The following CDHR2 variants were observed in gnomAD, a reference collection of about 807,000 sequenced individuals.
CDHR2 encodes cadherin related family member 2.
In CDHR2, 104 loss-of-function variants were observed where a neutral mutation model predicts 138.6. That is an observed-to-expected ratio of 0.75 (90% confidence interval 0.64 to 0.88). The LOEUF is 0.88. CDHR2 is among the 40% of genes least tolerant of loss of function. The probability of loss-of-function intolerance (pLI) is 0.00; values close to 1 mark genes in which losing one functional copy is unlikely to be tolerated. For synonymous variants in CDHR2, 755 were observed against 742.8 expected (o/e 1.02, Z -0.27); for missense variants, 1,624 against 1,727.6 (o/e 0.94, Z 1.06).
chr5:176,593,705 A>G (rs1019910708), intron 31 of CDHR2, among the ~76,000 whole-genome samples: 4 of 152,202 alleles, frequency 2.6e-5, no homozygotes, highest in Admixed American at 1.3e-4. Flanking sequence ...CCAGGCCACT[A>G]GGGGCTCCCA....
rs1260882272 is a variant in CDHR2 at position 176,543,339 on chromosome 5, TGCGGCCCGCGCGCCGCCTGCC to T, written c.-16+578_-16+598del. Among the ~76,000 whole-genome samples, 12 of 147,856 alleles carry T rather than the reference TGCGGCCCGCGCGCCGCCTGCC, an allele frequency of 8.1e-5. No homozygotes were observed. The highest frequency in any genetic ancestry group is 2.2e-4 in the African/African-American group (9 of 41,018). On this transcript the variant is annotated intron_variant, in intron 1 of 31. Transcript: ENST00000510636. The surrounding 1 kb of genome is among the most constrained non-coding windows in gnomAD (Gnocchi z 4.0). ...CTGCAGCCCAGGCTCGCGGTGCGGC[TGCGGCCCGCGCGCCGCCTGCC>T]GCGGCCCCTCTCCGGCCCGGTGCAG...
chr5:176,595,155 A>T (rs1185945008), intron 31 of CDHR2, among the ~76,000 whole-genome samples: 1 of 152,110 alleles, frequency 6.6e-6, no homozygotes, highest in Non-Finnish European at 1.5e-5. Context: ...GAGGTAATGG[A>T]TGGACCTCAA....
At position 176,571,323 on chromosome 5, in the gene CDHR2, G is replaced by A. The variant is rs374760058; in HGVS notation, c.405+21G>A. 4 of 1,575,150 alleles carry A rather than the reference G, an allele frequency of 2.5e-6. No homozygotes were observed. In the African/African-American group the frequency reaches 5.5e-5, roughly 22 times the overall value. On this transcript the variant is annotated intron_variant, in intron 6 of 31. Transcript: ENST00000261944. ...ACGAGGTGACACCTGCCTTAATGTG[G>A]TTGTGGGGCAGGGGGCATCCCAAAG...
upstream of CDHR2, among the ~76,000 whole-genome samples, chr5:176,547,252 C>T (rs1173443952): frequency 6.6e-6 from 1 of 152,174 alleles, no homozygotes; most frequent in African/African-American, 2.4e-5. Flanking sequence ...GCTGGGATTA[C>T]AGGCGCGAGC....
chr5:176,595,882 CTG>C, downstream of CDHR2: 1 of 459,908 alleles, frequency 2.2e-6, no homozygotes, highest in Non-Finnish European at 3.8e-6. Context: ...GGACGGGACA[CTG>C]AGTGGTCACA....
chr5:176,565,816 G>GC (rs1234413509), intron 3 of CDHR2, 73 bp downstream of exon 3: 13 of 1,144,772 alleles, frequency 1.1e-5, no homozygotes, highest in Non-Finnish European at 1.0e-5. Flanking sequence ...GCCCTCTGGA[G>GC]CCCCCACCAT....
chr5:176,586,790 C>T lies in CDHR2; in HGVS notation c.2807-3C>T, dbSNP rs758575877. On this transcript the variant is annotated splice_polypyrimidine_tract_variant and splice_region_variant and intron_variant, in intron 20 of 31. Transcript: ENST00000261944. The stretch of plus-strand genomic sequence containing the variant: ...CTGACCCCGTTCCCGTTCACACCTG[C>T]AGTGATCATCCCTGAACTCGTGCTG... 6.8e-6 allele frequency: 11 copies of T among 1,606,988 alleles called. No homozygotes were observed. Among genetic ancestry groups the T allele is most frequent in the Non-Finnish European group, 9.3e-6 (11 of 1,176,702 alleles).
chr5:176,563,287 G>A (rs1758007859), intron 1 of CDHR2, among the ~76,000 whole-genome samples: 1 of 152,138 alleles, frequency 6.6e-6, no homozygotes, highest in Non-Finnish European at 1.5e-5. Context: ...GGCAGAGGTT[G>A]CAGTGAGCCG....
intron 16 of CDHR2, 34 bp downstream of exon 16, chr5:176,578,642 G>C (rs777878075): frequency 4.4e-6 from 7 of 1,602,120 alleles, no homozygotes; most frequent in Non-Finnish European, 5.9e-6. Flanking sequence ...GGGTAAGGCT[G>C]GGGGAGGGGA....
intron 31 of CDHR2, among the ~76,000 whole-genome samples, chr5:176,594,670 C>A (rs1422291821): frequency 6.6e-6 from 1 of 152,196 alleles, no homozygotes; most frequent in South Asian, 2.1e-4. Flanking sequence ...AATGCTTAGC[C>A]CCTCTGGGGC....
At chr5:176,593,790 T>C (rs1212216795) in intron 31 of CDHR2, among the ~76,000 whole-genome samples, 1 of 152,198 alleles carries the variant, frequency 6.6e-6, no homozygotes, top group African/African-American at 2.4e-5. Flanking sequence ...CCGAAGCCTC[T>C]CTTGGTCTTT....
intron 1 of CDHR2, among the ~76,000 whole-genome samples, chr5:176,564,336 C>T (rs556544694): frequency 6.6e-6 from 1 of 152,350 alleles, no homozygotes; most frequent in African/African-American, 2.4e-5. Context: ...CAGGCACCCA[C>T]CACCATGCCC....
chr5:176,569,046 G>A (rs372652296), intron 5 of CDHR2, 36 bp downstream of exon 5: 4 of 1,609,436 alleles, frequency 2.5e-6, no homozygotes, highest in Non-Finnish European at 3.4e-6. Context: ...GACAGGGATT[G>A]CGAGAGTCCA....
intron 7 of CDHR2, 109 bp from the exon 8 acceptor site, chr5:176,574,975 G>A (rs1038229338): frequency 2.2e-5 from 30 of 1,356,728 alleles, no homozygotes; most frequent in African/African-American, 2.9e-5. Flanking sequence ...TGGTGCCAGT[G>A]GCGTGACTGG....
At chr5:176,578,132 G>C in intron 15 of CDHR2, 37 bp downstream of exon 15, 1 of 1,577,382 alleles carries the variant, frequency 6.3e-7, no homozygotes, top group African/African-American at 1.3e-5. Context: ...AGGTGGGTGA[G>C]CAGGGCCCAG....
chr5:176,589,254 C>T (rs1758772415), intron 22 of CDHR2, 72 bp downstream of exon 22: 1 of 1,598,790 alleles, frequency 6.3e-7, no homozygotes, highest in South Asian at 1.1e-5. Flanking sequence ...AGCAAGTCCC[C>T]CATCCTGGAG....
chr5:176,570,950 T>TA (rs35630981), intron 5 of CDHR2, among the ~76,000 whole-genome samples: 3,274 of 123,718 alleles, frequency 0.026, 150 homozygotes, highest in African/African-American at 0.086. Context: ...AAACTCTGTC[T>TA]AAAAAAAAAA....
intron 30 of CDHR2, among the ~76,000 whole-genome samples, chr5:176,592,509 A>T (rs1424092175): frequency 7.1e-6 from 1 of 140,428 alleles, no homozygotes. Context: ...GATAGTGATT[A>T]TGATGATAGT....
At position 176,575,399 on chromosome 5, in the gene CDHR2, G is replaced by C. The variant is rs770570875; in HGVS notation, c.741G>C (p.Ser247=). 1.2e-6 allele frequency: 2 copies of C among 1,614,072 alleles called. No individual in the cohort carries two copies. Among genetic ancestry groups the C allele is most frequent in the African/African-American group, 2.7e-5 (2 of 74,926 alleles). The change falls in exon 9 of 32, where the codon TCG becomes TCC. Residue 247 remains serine, a synonymous_variant. Coordinates refer to ENST00000261944, the MANE Select transcript of CDHR2 (RefSeq NM_017675.6). ...LDPQFVREFY[S]ASVAEDAAKG... ...CCCAGTTTGTCAGGGAGTTTTACTC[G>C]GCCTCTGTGGCTGAGGATGCAGCCA...
Sources: gnomAD v4.1 joint callset for allele counts (sites outside exome capture counted in the v4.1 genomes callset) on GRCh38, gnomAD v4.1.1 for gene constraint, Gnocchi (gnomAD v3.1) non-coding constraint, MANE v1.5 for transcripts, NCBI Gene and HGNC (gene_info 2026-07-23, HGNC 2026-07-21) for gene names.